CRTAC1: variants seen among roughly 807,000 people sequenced by gnomAD.
CRTAC1 encodes cartilage acidic protein 1, also known as acidic secreted protein in cartilage.
Under a neutral mutation model 67.8 loss-of-function variants are expected in CRTAC1, and 37 were observed. The ratio of observed to expected loss-of-function variants is 0.55; its 90% CI spans 0.42 to 0.72. The LOEUF (loss-of-function observed/expected upper bound fraction) is 0.72, where lower values mean the gene tolerates loss of function less well. CRTAC1 is among the 30% of genes least tolerant of loss of function. The pLI, the probability that CRTAC1 is intolerant of heterozygous loss-of-function variation, is 0.00. For synonymous variants in CRTAC1, 348 were observed against 371.0 expected, an observed-to-expected ratio of 0.94 and a Z score of 0.71; for missense variants, 780 against 931.6, an observed-to-expected ratio of 0.84 and a Z score of 2.12.
chr10:97,865,826 G>C, intron 14 of CRTAC1, 112 bp from the exon 15 acceptor site: 2 of 778,966 alleles, frequency 2.6e-6, no homozygotes, highest in Non-Finnish European at 3.7e-6. Context: ...CCCGGGGTGG[G>C]AGGGAGGGTG....
At chr10:97,888,732 C>A (rs2050322306) in intron 11 of CRTAC1, among the ~76,000 whole-genome samples, 2 of 152,100 alleles carry the variant, frequency 1.3e-5, no homozygotes, top group Non-Finnish European at 1.5e-5. Context: ...ACACCGCACA[C>A]CAGCAGCCTC....
At chr10:97,875,637 T>C (rs1007635109) in intron 14 of CRTAC1, among the ~76,000 whole-genome samples, 2 of 152,186 alleles carry the variant, frequency 1.3e-5, no homozygotes, top group Admixed American at 1.3e-4. Flanking sequence ...AGGGGCTCGG[T>C]TTGCCTTCTG....
At chr10:97,928,365 C>A (rs2050953772) in intron 3 of CRTAC1, among the ~76,000 whole-genome samples, 1 of 152,130 alleles carries the variant, frequency 6.6e-6, no homozygotes, top group Admixed American at 6.5e-5. Flanking sequence ...TGACTAGGGG[C>A]TTTTAGAGTC....
intron 5 of CRTAC1, among the ~76,000 whole-genome samples, chr10:97,917,280 A>C (rs2050772789): frequency 6.6e-6 from 1 of 152,176 alleles, no homozygotes; most frequent in Non-Finnish European, 1.5e-5. Flanking sequence ...TGGGTACCCC[A>C]AAACTCGTAC....
At chr10:97,958,425 C>A (rs2136639804) in intron 2 of CRTAC1, among the ~76,000 whole-genome samples, 1 of 152,338 alleles carries the variant, frequency 6.6e-6, no homozygotes, top group East Asian at 1.9e-4. Context: ...CTGACCCATA[C>A]CCTAAGCCAT....
At chr10:97,880,528 C>T in intron 13 of CRTAC1, 136 bp from the exon 14 acceptor site, 3 of 1,124,900 alleles carry the variant, frequency 2.7e-6, no homozygotes, top group Admixed American at 4.4e-5. Context: ...CTTCAGTTCC[C>T]TTGGCTGGCT....
chr10:97,865,676 G>A lies in CRTAC1; in HGVS notation c.1858C>T (p.Pro620Ser). The A allele has an allele frequency of 6.2e-7, 1 of 1,608,608 alleles. No individual in the cohort carries two copies. Among genetic ancestry groups the A allele is most frequent in the Non-Finnish European group, 8.5e-7 (1 of 1,177,522 alleles). The change falls in exon 15 of 15, where the codon CCC (proline) becomes TCC (serine). Residue 620 changes from proline to serine, a missense_variant. Pro to Ser is a moderately conservative substitution (Grantham distance 74). Transcript: ENST00000370597. ...GQSPGPRPTT[P>S]TAAAATAAAA... ...GCGGCAGTGGCAGCAGCAGCGGTGG[G>A]GGTGGTGGGGCGGGGGCCCGGTGAC... is the stretch of plus-strand genomic sequence containing the variant.
At position 97,895,541 on chromosome 10, in the gene CRTAC1, A is replaced by G; in HGVS notation, c.1318-128T>C. On this transcript the variant is annotated intron_variant, in intron 10 of 14. Transcript: ENST00000370597. This position sits in a 1 kb window ranked among gnomAD's most constrained non-coding sequence, Gnocchi z 4.2. ...GAAGAGAAGAAAGCAGGCAGAGGAA[A>G]AAGATAGAAACAGGAAGCCAAACAA... 4 of 850,258 alleles carry G rather than the reference A, an allele frequency of 4.7e-6. No individual in the cohort carries two copies. Among genetic ancestry groups the G allele is most frequent in the East Asian group, 5.2e-5 (2 of 38,646 alleles). 52.7% of individuals were successfully genotyped at this position (850,258 alleles called of 1,614,324 possible). A position where few individuals can be genotyped will look rare whatever the true frequency, so the allele number is the denominator to read the frequency against.
intron 2 of CRTAC1, among the ~76,000 whole-genome samples, chr10:97,957,693 A>G (rs1254489629): frequency 6.6e-6 from 1 of 152,146 alleles, no homozygotes; most frequent in East Asian, 1.9e-4. Flanking sequence ...AAGTGGATAC[A>G]TTTTTGATGC....
intron 1 of CRTAC1, among the ~76,000 whole-genome samples, chr10:98,025,481 T>C (rs1258014548): frequency 6.6e-6 from 1 of 152,206 alleles, no homozygotes; most frequent in Non-Finnish European, 1.5e-5. Flanking sequence ...AAAAACGGTC[T>C]TCCTCTCCCT....
intron 14 of CRTAC1, among the ~76,000 whole-genome samples, chr10:97,873,027 C>T (rs1318804870): frequency 6.6e-6 from 1 of 152,202 alleles, no homozygotes; most frequent in Non-Finnish European, 1.5e-5. Flanking sequence ...ATCTGCATTT[C>T]ATCAGTCAGG....
Position 97,901,565 on chromosome 10 carries a change from C to T in CRTAC1, c.1071G>A (p.Gln357=), listed in dbSNP as rs1308686717. Residue 357 remains glutamine (Q), a synonymous_variant, in exon 8 of 15, where the codon CAG becomes CAA. Coordinates refer to ENST00000370597, the MANE Select transcript of CRTAC1 (RefSeq NM_018058.7). ...TVITADFDND[Q]ELEIFFNNIA... is the part of the protein sequence containing the mutation. ...TGTTGTTGAAGAAGATCTCCAGCTC[C>T]TGGTCATTGTCAAAGTCGGCGGTGA... 3.7e-6 allele frequency: 6 copies of T among 1,614,082 alleles called. No individual in the cohort carries two copies. The highest frequency in any genetic ancestry group is 2.7e-5 in the African/African-American group (2 of 74,934).
chr10:97,919,038 C>G (rs551276541), intron 4 of CRTAC1, among the ~76,000 whole-genome samples: 15 of 148,606 alleles, frequency 1.0e-4, no homozygotes, highest in African/African-American at 2.3e-4. Context: ...ACCACCCCCC[C>G]CCGCCTCAGC....
At chr10:97,998,900 G>A (rs1424191115) in intron 2 of CRTAC1, among the ~76,000 whole-genome samples, 1 of 152,134 alleles carries the variant, frequency 6.6e-6, no homozygotes. Context: ...TAATCTCAGA[G>A]TTTGTTAAGT....
intron 3 of CRTAC1, among the ~76,000 whole-genome samples, chr10:97,935,474 G>A (rs7085685): frequency 0.029 from 4,455 of 152,212 alleles, 212 homozygotes; most frequent in African/African-American, 0.097. Flanking sequence ...GCCTGGGAGC[G>A]GGTCAGAAGT....
intron 1 of CRTAC1, among the ~76,000 whole-genome samples, chr10:98,021,033 A>G (rs1183188383): frequency 1.3e-5 from 2 of 152,200 alleles, no homozygotes; most frequent in Non-Finnish European, 2.9e-5. Flanking sequence ...TCATTCATTC[A>G]TTCATTCAGT....
intron 2 of CRTAC1, among the ~76,000 whole-genome samples, chr10:97,947,661 C>T (rs2051285735): frequency 6.6e-6 from 1 of 152,256 alleles, no homozygotes; most frequent in South Asian, 2.1e-4. Context: ...TACAGATTGT[C>T]GGTAAAGGAT....
chr10:97,920,969 C>T (rs1026936634), intron 4 of CRTAC1, among the ~76,000 whole-genome samples: 37 of 151,930 alleles, frequency 2.4e-4, no homozygotes, highest in African/African-American at 8.2e-4. Flanking sequence ...GTGGATGTTC[C>T]GGGTTTGGAG....
intron 5 of CRTAC1, among the ~76,000 whole-genome samples, chr10:97,912,918 C>T (rs1312829345): frequency 2.0e-5 from 3 of 152,180 alleles, no homozygotes; most frequent in Non-Finnish European, 4.4e-5. Flanking sequence ...GATTCCTGTG[C>T]CCATCTAGCC....
Sources: gnomAD v4.1 joint callset for allele counts (sites outside exome capture counted in the v4.1 genomes callset) on GRCh38, gnomAD v4.1.1 for gene constraint, Gnocchi (gnomAD v3.1) non-coding constraint, MANE v1.5 for transcripts, NCBI Gene and HGNC (gene_info 2026-07-23, HGNC 2026-07-21) for gene names.